The following UQCRC2 variants were observed in gnomAD, a reference collection of about 807,000 sequenced individuals.
The protein encoded by UQCRC2 is cytochrome b-c1 complex subunit 2, mitochondrial.
A neutral mutation model predicts 55.6 loss-of-function variants in UQCRC2; 49 were observed. The ratio of observed to expected loss-of-function variants is 0.88; its 90% CI spans 0.70 to 1.12. UQCRC2 has a LOEUF of 1.12. Among genes scored for constraint, UQCRC2 ranks in the 50% most tolerant of loss-of-function variants. The pLI, the probability that UQCRC2 is intolerant of heterozygous loss-of-function variation, is 0.00. For missense variants in UQCRC2, 506 were observed against 547.8 expected (o/e 0.92, Z 0.76); for synonymous variants, 193 against 192.0 (o/e 1.01, Z -0.04).
At chr16:21,974,968 G>A (rs936921974) in intron 11 of UQCRC2, among the ~76,000 whole-genome samples, 2 of 152,200 alleles carry the variant, frequency 1.3e-5, no homozygotes, top group African/African-American at 4.8e-5. Context: ...CAGACAAATA[G>A]TGAGGTACAC....
rs191404492 is a variant in UQCRC2 at position 21,979,364 on chromosome 16, C to T, written c.1125-1183C>T. ...CAGCTTCCAGTCATGGGTCACATAA[C>T]GATGGGGATACATTCTGAGAAATGT... On this transcript the variant is annotated intron_variant, in intron 12 of 13. Coordinates refer to ENST00000268379, the MANE Select transcript of UQCRC2 (RefSeq NM_003366.4). Among the ~76,000 whole-genome samples the T allele has an allele frequency of 2.1e-4, 32 of 152,260 alleles. No individual in the cohort carries two copies. In the East Asian group the frequency reaches 5.6e-3, roughly 27 times the overall value.
At chr16:21,977,075 T>A (rs914037061) in intron 12 of UQCRC2, 1 of 152,164 alleles carries the variant, frequency 6.6e-6, no homozygotes, top group Non-Finnish European at 1.5e-5. Context: ...TACATTTGAC[T>A]AGGCGCAGTT....
At chr16:21,966,539 A>G (rs1199743509) in intron 7 of UQCRC2, among the ~76,000 whole-genome samples, 1 of 152,210 alleles carries the variant, frequency 6.6e-6, no homozygotes, top group African/African-American at 2.4e-5. Flanking sequence ...ATCTGACTCA[A>G]AAATTCAAGG....
chr16:21,975,270 A>G (rs1898554504), intron 11 of UQCRC2, among the ~76,000 whole-genome samples: 1 of 152,204 alleles, frequency 6.6e-6, no homozygotes, highest in South Asian at 2.1e-4. Flanking sequence ...GGGGCCTGAT[A>G]AATTGAAAGA....
At chr16:21,958,832 C>G (rs1474389822) in intron 4 of UQCRC2, among the ~76,000 whole-genome samples, 2 of 152,116 alleles carry the variant, frequency 1.3e-5, no homozygotes, top group Non-Finnish European at 2.9e-5. Flanking sequence ...AGAGATGTTG[C>G]AGGTTCTGTT....
intron 3 of UQCRC2, 46 bp downstream of exon 3, chr16:21,957,612 T>C (rs1331847250): frequency 4.0e-5 from 64 of 1,588,756 alleles, no homozygotes; most frequent in Non-Finnish European, 5.5e-5. Flanking sequence ...CTGTGGTATC[T>C]TGGTCCTGTG....
intron 4 of UQCRC2, 190 bp from the exon 5 acceptor site, chr16:21,962,270 G>A: frequency 1.6e-6 from 1 of 611,220 alleles, no homozygotes; most frequent in South Asian, 2.0e-5. Flanking sequence ...TTTTAAGGTT[G>A]AATTATTTGC....
intron 13 of UQCRC2, among the ~76,000 whole-genome samples, chr16:21,981,903 C>A (rs1442261559): frequency 2.0e-5 from 3 of 149,768 alleles, no homozygotes; most frequent in Non-Finnish European, 4.4e-5. Context: ...TGCAGTGGCG[C>A]GATCTCGGCT....
At chr16:21,956,787 G>A (rs1898093148) in intron 1 of UQCRC2, among the ~76,000 whole-genome samples, 1 of 152,192 alleles carries the variant, frequency 6.6e-6, no homozygotes, top group Non-Finnish European at 1.5e-5. Flanking sequence ...GCTAGGCGGG[G>A]TGCAGTGGCT....
chr16:21,970,041 A>G (rs956134946), intron 8 of UQCRC2, among the ~76,000 whole-genome samples: 1 of 152,020 alleles, frequency 6.6e-6, no homozygotes, highest in African/African-American at 2.4e-5. Context: ...TATTCTGGAC[A>G]TTTCCTATAA....
intron 11 of UQCRC2, 65 bp from the exon 12 acceptor site, chr16:21,976,100 AGT>A: frequency 9.2e-7 from 1 of 1,082,664 alleles, no homozygotes; most frequent in African/African-American, 1.6e-5. Context: ...TCAGTAAAGA[AGT>A]GTGTCAGTGC....
intron 6 of UQCRC2, among the ~76,000 whole-genome samples, chr16:21,963,478 G>C (rs1484496575): frequency 6.6e-6 from 1 of 151,008 alleles, no homozygotes; most frequent in Non-Finnish European, 1.5e-5. Flanking sequence ...TTGTTTGTTT[G>C]TTTGTTTTTG....
At chr16:21,971,418 G>A (rs1160411642) in intron 8 of UQCRC2, 107 bp from the exon 9 acceptor site, 1 of 874,438 alleles carries the variant, frequency 1.1e-6, no homozygotes, top group Non-Finnish European at 1.8e-6. Context: ...TATTTATTTT[G>A]TAGTGTTAGG....
chr16:21,962,695 A>G, intron 5 of UQCRC2, 66 bp from the exon 6 acceptor site: 1 of 1,608,874 alleles, frequency 6.2e-7, no homozygotes, highest in Admixed American at 1.7e-5. Flanking sequence ...CATTACAGCT[A>G]TGTAGAATCT....
At chr16:21,980,388 A>G in intron 12 of UQCRC2, 159 bp from the exon 13 acceptor site, 1 of 741,734 alleles carries the variant, frequency 1.3e-6, no homozygotes, top group Non-Finnish European at 2.2e-6. Context: ...GTTCCAGAGA[A>G]GGGAGTGGCA....
At chr16:21,971,389 A>G in intron 8 of UQCRC2, 136 bp from the exon 9 acceptor site, 1 of 677,790 alleles carries the variant, frequency 1.5e-6, no homozygotes, top group African/African-American at 1.8e-5. Context: ...GGAGAGTGGC[A>G]TTATGGCAGG....
chr16:21,972,251 C>A, intron 10 of UQCRC2, 129 bp downstream of exon 10: 1 of 1,229,500 alleles, frequency 8.1e-7, no homozygotes, highest in Non-Finnish European at 1.1e-6. Context: ...GAAGAGATAG[C>A]CAGGCTTGAT....
At chr16:21,966,328 T>A (rs1898326743) in intron 7 of UQCRC2, among the ~76,000 whole-genome samples, 1 of 152,118 alleles carries the variant, frequency 6.6e-6, no homozygotes, top group Non-Finnish European at 1.5e-5. Flanking sequence ...GTTTGCTGGC[T>A]ATAGGGGTTT....
intron 4 of UQCRC2, among the ~76,000 whole-genome samples, chr16:21,960,423 C>T (rs907793869): frequency 3.9e-5 from 6 of 152,174 alleles, no homozygotes; most frequent in Admixed American, 6.5e-5. Flanking sequence ...CTGGATTAAG[C>T]TTTGACTTAA....
Sources: allele counts gnomAD v4.1 joint callset (sites outside exome capture counted in the v4.1 genomes callset), GRCh38; gene constraint gnomAD v4.1.1; transcripts MANE v1.5; gene names NCBI Gene and HGNC (gene_info 2026-07-23, HGNC 2026-07-21).